The following BCAS3 variants were observed in gnomAD, a reference collection of about 807,000 sequenced individuals.
BCAS3 encodes BCAS4/BCAS3 fusion.
Under a neutral mutation model 116.1 loss-of-function variants are expected in BCAS3, and 53 were observed. That is an observed-to-expected ratio of 0.46 (90% CI 0.37 to 0.57). BCAS3 has a LOEUF of 0.57. Among genes scored for constraint, BCAS3 ranks in the 20% least tolerant of loss-of-function variants. The pLI, the probability that BCAS3 is intolerant of heterozygous loss-of-function variation, is 0.00. For synonymous variants in BCAS3, 391 were observed against 408.2 expected (o/e 0.96, Z 0.51); for missense variants, 917 against 1,165.4 (o/e 0.79, Z 3.10).
intron 5 of BCAS3, chr17:60,709,680 C>A (rs766684749): frequency 7.5e-5 from 19 of 253,030 alleles, no homozygotes; most frequent in Non-Finnish European, 1.2e-4. Flanking sequence ...TGAGCCACTG[C>A]ACCCAGCATA....
At chr17:61,255,149 C>A (rs1015762262) in intron 22 of BCAS3, among the ~76,000 whole-genome samples, 4 of 152,164 alleles carry the variant, frequency 2.6e-5, no homozygotes, top group Non-Finnish European at 5.9e-5. Flanking sequence ...TCACATGTTG[C>A]TCTTTTTGGA....
chr17:60,740,593 C>T (rs1039658404), intron 5 of BCAS3, among the ~76,000 whole-genome samples: 6 of 151,354 alleles, frequency 4.0e-5, no homozygotes, highest in South Asian at 2.1e-4. Context: ...AATTGAGTGG[C>T]GGTGTGTGGG....
intron 22 of BCAS3, among the ~76,000 whole-genome samples, chr17:61,207,618 A>G (rs988637986): frequency 2.0e-5 from 3 of 152,024 alleles, no homozygotes; most frequent in Non-Finnish European, 2.9e-5. Context: ...TGCATTTACA[A>G]ACAAAACTGC....
In BCAS3 at chr17:61,220,021, C is replaced by T. The variant is rs186217700; in HGVS notation, c.2425+135457C>T. On this transcript the variant is annotated intron_variant, in intron 22 of 23. Transcript: ENST00000407086. The surrounding 1 kb of genome is among the most constrained non-coding windows in gnomAD (Gnocchi z 4.5). ...GTTAAAACTAAAGTTTTCGGCCGGGCGCGGTGGCTCACGCCTGTAATCCCA... is the reference window on the plus strand; with the variant it reads ...GTTAAAACTAAAGTTTTCGGCCGGGTGCGGTGGCTCACGCCTGTAATCCCA... 1.0e-3 allele frequency among the ~76,000 whole-genome samples: 152 copies of T among 152,180 alleles called. 1 individual carries two copies. Among genetic ancestry groups the T allele is most frequent in the African/African-American group, 3.5e-3 (144 of 41,512 alleles).
At chr17:60,832,087 A>G (rs1324126943) in intron 7 of BCAS3, among the ~76,000 whole-genome samples, 1 of 152,236 alleles carries the variant, frequency 6.6e-6, no homozygotes, top group African/African-American at 2.4e-5. Flanking sequence ...CCACTGCACT[A>G]TTAAGTATAA....
chr17:61,280,771 G>A (rs1156526233), intron 22 of BCAS3, among the ~76,000 whole-genome samples: 2 of 152,124 alleles, frequency 1.3e-5, no homozygotes, highest in Non-Finnish European at 2.9e-5. Context: ...GCTTAAAGTG[G>A]GCAGCGCCGG....
Position 61,034,749 on chromosome 17 carries a change from G to A in BCAS3, c.1721G>A (p.Arg574Lys), listed in dbSNP as rs1179962022. The A allele has an allele frequency of 3.7e-6, 6 of 1,612,750 alleles. No individual in the cohort carries two copies. Among genetic ancestry groups the A allele is most frequent in the Non-Finnish European group, 5.1e-6 (6 of 1,179,318 alleles). Residue 574 changes from arginine to lysine, a missense_variant, in exon 17 of 24, where the codon AGG becomes AAG. Arg to Lys is a conservative substitution (Grantham distance 26). Transcript: ENST00000407086. This position sits in a 1 kb window ranked among gnomAD's most constrained non-coding sequence, Gnocchi z 5.0. Reference sequence around the variant, plus strand: ...GTGGCTGCTATCTTCGGAACATCCAGGTCATGGTTTGCAAATAATGCAGGT... The same window carrying A: ...GTGGCTGCTATCTTCGGAACATCCAAGTCATGGTTTGCAAATAATGCAGGT... ...FCVAAIFGTS[R>K]SWFANNAGLK...
intron 22 of BCAS3, among the ~76,000 whole-genome samples, chr17:61,182,681 C>G (rs1380127507): frequency 6.6e-6 from 1 of 152,206 alleles, no homozygotes; most frequent in Non-Finnish European, 1.5e-5. Context: ...ACTCCCCAAC[C>G]CTACGCAGTC....
intron 22 of BCAS3, among the ~76,000 whole-genome samples, chr17:61,242,861 A>T (rs1450533402): frequency 6.6e-6 from 1 of 151,462 alleles, no homozygotes; most frequent in African/African-American, 2.4e-5. Flanking sequence ...AAACAAAAAA[A>T]CCCAAAAAAC....
chr17:60,799,023 T>A (rs1255656532), intron 6 of BCAS3, among the ~76,000 whole-genome samples: 1 of 152,240 alleles, frequency 6.6e-6, no homozygotes, highest in Non-Finnish European at 1.5e-5. Flanking sequence ...TTCTTATTGT[T>A]GAATTTTAAG....
Position 61,249,985 on chromosome 17 carries a change from A to G in BCAS3, c.2426-118342A>G, listed in dbSNP as rs536244517. 6.6e-6 allele frequency among the ~76,000 whole-genome samples: 1 copy of G among 152,050 alleles called. No individual in the cohort carries two copies. Among genetic ancestry groups the G allele is most frequent in the African/African-American group, 2.4e-5 (1 of 41,296 alleles). ...GAGGCAGGCTTAAAGAGGATCAGAA[A>G]ACAAGATACCAAATAAGAGCAGCCA... On this transcript the variant is annotated intron_variant, in intron 22 of 23. Transcript: ENST00000407086. The surrounding 1 kb of genome is among the most constrained non-coding windows in gnomAD (Gnocchi z 6.2).
intron 6 of BCAS3, among the ~76,000 whole-genome samples, chr17:60,793,136 C>T (rs547635591): frequency 4.6e-5 from 7 of 152,038 alleles, no homozygotes; most frequent in Admixed American, 1.3e-4. Flanking sequence ...CTCACTCTGT[C>T]GCCCAGGCTG....
chr17:61,235,409 G>A lies in BCAS3; in HGVS notation c.2426-132918G>A, dbSNP rs2082964076. 6.6e-6 allele frequency among the ~76,000 whole-genome samples: 1 copy of A among 152,194 alleles called. No individual in the cohort carries two copies. Among genetic ancestry groups the A allele is most frequent in the Non-Finnish European group, 1.5e-5 (1 of 68,044 alleles). On this transcript the variant is annotated intron_variant, in intron 22 of 23. Coordinates refer to ENST00000407086, the MANE Select transcript of BCAS3 (RefSeq NM_017679.5). The surrounding 1 kb of genome is among the most constrained non-coding windows in gnomAD (Gnocchi z 5.0). The stretch of plus-strand genomic sequence containing the variant: ...TTGAGAATTTCGATATTTGACAGAT[G>A]ATTGAGCCACTCGAGTTGCTTATGC...
At chr17:60,794,088 A>G (rs1406426100) in intron 6 of BCAS3, among the ~76,000 whole-genome samples, 1 of 152,020 alleles carries the variant, frequency 6.6e-6, no homozygotes, top group Non-Finnish European at 1.5e-5. Flanking sequence ...TGATTTTTTG[A>G]TTATGGCCAT....
intron 16 of BCAS3, among the ~76,000 whole-genome samples, chr17:61,016,157 A>G (rs2065441951): frequency 6.6e-6 from 1 of 152,228 alleles, no homozygotes; most frequent in African/African-American, 2.4e-5. Flanking sequence ...AATCAAAAAC[A>G]GATCCATCTA....
chr17:61,201,605 C>A (rs1236198790), intron 22 of BCAS3, among the ~76,000 whole-genome samples: 1 of 152,084 alleles, frequency 6.6e-6, no homozygotes, highest in East Asian at 1.9e-4. Context: ...GAAGCCCTAG[C>A]GAGTTTGCTC....
intron 14 of BCAS3, among the ~76,000 whole-genome samples, chr17:60,975,389 C>G (rs1480224005): frequency 6.6e-6 from 1 of 152,214 alleles, no homozygotes; most frequent in Non-Finnish European, 1.5e-5. Context: ...TCAGCAGCTG[C>G]TTATCTTCCT....
At chr17:60,943,714 A>G (rs1487179543) in intron 13 of BCAS3, among the ~76,000 whole-genome samples, 3 of 152,112 alleles carry the variant, frequency 2.0e-5, no homozygotes, top group Non-Finnish European at 4.4e-5. Context: ...TCTAGAATAT[A>G]TTCTAGGTGT....
In BCAS3 at chr17:61,145,734, G is replaced by C. The variant is rs1033563387; in HGVS notation, c.2425+61170G>C. Among the ~76,000 whole-genome samples, 12 of 152,194 alleles carry C rather than the reference G, an allele frequency of 7.9e-5. No homozygotes were observed. The highest frequency in any genetic ancestry group is 1.8e-4 in the Non-Finnish European group (12 of 68,032). ...AAGAGAAATTGAAAATCTAAGTCTT[G>C]CAGTGAGAATGACCAGAAATCGTTT... is the stretch of plus-strand genomic sequence containing the variant. On this transcript the variant is annotated intron_variant, in intron 22 of 23. Transcript: ENST00000407086. The surrounding 1 kb of genome is among the most constrained non-coding windows in gnomAD (Gnocchi z 5.0).
Sources: gnomAD v4.1 joint callset for allele counts (sites outside exome capture counted in the v4.1 genomes callset) on GRCh38, gnomAD v4.1.1 for gene constraint, Gnocchi (gnomAD v3.1) non-coding constraint, MANE v1.5 for transcripts, NCBI Gene and HGNC (gene_info 2026-07-23, HGNC 2026-07-21) for gene names.